EPG5: variants seen among roughly 807,000 people sequenced by gnomAD.
EPG5 encodes the protein ectopic P-granules 5 autophagy tethering factor.
In EPG5, 159 loss-of-function variants were observed where a neutral mutation model predicts 302.7. The ratio of observed to expected loss-of-function variants is 0.53; its 90% CI spans 0.46 to 0.60. The LOEUF is 0.60. Among genes scored for constraint, EPG5 ranks in the 20% least tolerant of loss-of-function variants. EPG5 has a pLI of 0.00. For synonymous variants in EPG5, 1,158 were observed against 1,136.8 expected (o/e 1.02, Z -0.37); for missense variants, 2,896 against 3,092.4 (o/e 0.94, Z 1.51).
At chr18:45,965,338 C>T (rs2051225478) in intron 1 of EPG5, among the ~76,000 whole-genome samples, 1 of 152,158 alleles carries the variant, frequency 6.6e-6, no homozygotes, top group South Asian at 2.1e-4. Context: ...AAAAAACCAC[C>T]TGTCAAGCAC....
At chr18:45,938,673 C>T (rs1208409504) in intron 10 of EPG5, among the ~76,000 whole-genome samples, 1 of 152,130 alleles carries the variant, frequency 6.6e-6, no homozygotes, top group Non-Finnish European at 1.5e-5. Context: ...TGTATTTCCT[C>T]ATATTACCAC....
intron 24 of EPG5, 47 bp downstream of exon 24, chr18:45,907,910 TC>T (rs776016796): frequency 1.7e-5 from 26 of 1,494,762 alleles, no homozygotes; most frequent in Non-Finnish European, 2.2e-5. Flanking sequence ...CAAATTACAT[TC>T]AGATATGCTA....
chr18:45,857,724 T>C, intron 42 of EPG5, 129 bp downstream of exon 42: 1 of 633,924 alleles, frequency 1.6e-6, no homozygotes, highest in Non-Finnish European at 2.7e-6. Context: ...CTTTTTTTTT[T>C]TCCATTAATC....
At chr18:45,927,987 A>C (rs1356299035) in intron 13 of EPG5, among the ~76,000 whole-genome samples, 3 of 152,124 alleles carry the variant, frequency 2.0e-5, no homozygotes, top group African/African-American at 7.2e-5. Context: ...TGAGGTTAGG[A>C]GTTCAAGACC....
intron 13 of EPG5, among the ~76,000 whole-genome samples, chr18:45,928,298 A>G (rs1253747747): frequency 1.3e-5 from 2 of 152,194 alleles, no homozygotes; most frequent in Admixed American, 1.3e-4. Context: ...AGAGTTGCAC[A>G]TATCTGTGAA....
chr18:45,862,921 G>A (rs1204685929), intron 39 of EPG5, among the ~76,000 whole-genome samples: 1 of 152,144 alleles, frequency 6.6e-6, no homozygotes, highest in Non-Finnish European at 1.5e-5. Flanking sequence ...TTTCTATTAT[G>A]ATTATTCCTT....
the EPG5 span, chr18:45,842,299 T>G: frequency 8.4e-7 from 1 of 1,186,838 alleles, no homozygotes; most frequent in Non-Finnish European, 1.2e-6. Flanking sequence ...AGCCCCCAGC[T>G]GGGTGGCTCC....
Position 45,967,174 on chromosome 18 carries a change from CA to C in EPG5, c.63+2del. The stretch of plus-strand genomic sequence containing the variant: ...GCCTCGGGAGGGTGGGGGAGATCCT[CA>C]CCTTTGTTTTAGTCCGGCTGGCCTT... On this transcript the variant is annotated splice_donor_variant, in intron 1 of 43. Transcript: ENST00000282041. LOFTEE classifies it high-confidence loss of function. 6.3e-7 allele frequency: 1 copy of C among 1,598,470 alleles called. No homozygotes were observed. Among genetic ancestry groups the C allele is most frequent in the Non-Finnish European group, 8.5e-7 (1 of 1,172,550 alleles).
chr18:45,832,739 C>CG, the EPG5 span, among the ~76,000 whole-genome samples: 2 of 152,214 alleles, frequency 1.3e-5, no homozygotes, highest in African/African-American at 4.8e-5. Context: ...CCTCCCTCCC[C>CG]TGTCTTAGCA....
chr18:45,804,221 T>A, the EPG5 span, among the ~76,000 whole-genome samples: 1 of 152,016 alleles, frequency 6.6e-6, no homozygotes, highest in East Asian at 1.9e-4. Context: ...AGTAGGTGAA[T>A]CTAAAGAGAG....
At chr18:45,904,163 A>G (rs773435923) in intron 24 of EPG5, 46 bp from the exon 25 acceptor site, 1 of 1,585,924 alleles carries the variant, frequency 6.3e-7, no homozygotes, top group East Asian at 2.3e-5. Context: ...CAAGTCATAG[A>G]TTCACATATA....
the EPG5 span, among the ~76,000 whole-genome samples, chr18:45,813,400 G>A: frequency 2.6e-3 from 398 of 152,274 alleles, 4 homozygotes; most frequent in African/African-American, 9.2e-3. Context: ...ATTTGACCCA[G>A]CCATCCCATT....
At chr18:45,872,390 T>G (rs1278057947) in intron 35 of EPG5, among the ~76,000 whole-genome samples, 1 of 152,186 alleles carries the variant, frequency 6.6e-6, no homozygotes, top group East Asian at 1.9e-4. Context: ...TGATGGTTTC[T>G]CAACACAAAT....
At chr18:45,938,563 T>C (rs1484718285) in intron 10 of EPG5, among the ~76,000 whole-genome samples, 5 of 152,154 alleles carry the variant, frequency 3.3e-5, no homozygotes, top group African/African-American at 1.2e-4. Context: ...AGCTAAGACC[T>C]CCTGATCTTT....
At chr18:45,932,233 T>C (rs546326173) in intron 11 of EPG5, among the ~76,000 whole-genome samples, 5 of 152,198 alleles carry the variant, frequency 3.3e-5, no homozygotes, top group Non-Finnish European at 7.4e-5. Context: ...GAAAAAACAA[T>C]GGGAAAGTGA....
the EPG5 span, among the ~76,000 whole-genome samples, chr18:45,826,840 C>T: frequency 6.6e-6 from 1 of 152,332 alleles, no homozygotes; most frequent in East Asian, 1.9e-4. Context: ...AACCTCTGCA[C>T]AGCTGTCACC....
chr18:45,801,172 G>T, the EPG5 span, among the ~76,000 whole-genome samples: 1 of 152,096 alleles, frequency 6.6e-6, no homozygotes, highest in Non-Finnish European at 1.5e-5. Context: ...AAGTAGCTGG[G>T]ATTACAGGTG....
the EPG5 span, chr18:45,837,478 G>A: frequency 6.9e-7 from 1 of 1,440,292 alleles, no homozygotes; most frequent in Non-Finnish European, 9.0e-7. Flanking sequence ...TCGACCCCAG[G>A]GCCCCGAGCC....
chr18:45,944,655 C>T (rs1055204222), intron 7 of EPG5, among the ~76,000 whole-genome samples: 1 of 151,962 alleles, frequency 6.6e-6, no homozygotes, highest in African/African-American at 2.4e-5. Flanking sequence ...CTTAGGAGGC[C>T]AAGGCATGAG....
Sources: gnomAD v4.1 joint callset for allele counts (sites outside exome capture counted in the v4.1 genomes callset) on GRCh38, gnomAD v4.1.1 for gene constraint, MANE v1.5 for transcripts, NCBI Gene and HGNC (gene_info 2026-07-23, HGNC 2026-07-21) for gene names.